The following PCDHGB5 variants were observed in gnomAD, a reference collection of about 807,000 sequenced individuals.
PCDHGB5 encodes the protein protocadherin gamma-B5.
A neutral mutation model predicts 62.9 loss-of-function variants in PCDHGB5; 48 were observed. The observed-to-expected ratio is 0.76, with a 90% CI of 0.61 to 0.97. The LOEUF is 0.97. PCDHGB5 is among the 50% of genes least tolerant of loss of function. The probability of loss-of-function intolerance (pLI) is 0.00; values close to 1 mark genes in which losing one functional copy is unlikely to be tolerated. For missense variants in PCDHGB5, 1,118 were observed against 1,198.6 expected, an observed-to-expected ratio of 0.93 and a Z score of 0.99; for synonymous variants, 474 against 511.2, an observed-to-expected ratio of 0.93 and a Z score of 0.98.
rs1184232947 is a variant in PCDHGB5 at position 141,487,060 on chromosome 5, G to T, written c.2398-7747G>T. ...TCTCTCGATATGCTGGGGAGGTGCG[G>T]ACGGCTGTTCCTATCCCAGCTGACC... On this transcript the variant is annotated intron_variant, in intron 1 of 3. Transcript: ENST00000617380. This position sits in a 1 kb window ranked among gnomAD's most constrained non-coding sequence, Gnocchi z 5.0. The T allele has an allele frequency of 1.9e-6, 3 of 1,614,182 alleles. No individual in the cohort carries two copies. In the East Asian group the frequency reaches 6.7e-5, roughly 36 times the overall value.
At chr5:141,429,571 A>G (rs1221285032) in intron 1 of PCDHGB5, among the ~76,000 whole-genome samples, 2 of 152,156 alleles carry the variant, frequency 1.3e-5, no homozygotes, top group Non-Finnish European at 2.9e-5. Flanking sequence ...ATTCAGTTAC[A>G]TTTACTTTTG....
At chr5:141,404,784 C>T (rs780341962) in intron 1 of PCDHGB5, 2 of 1,613,832 alleles carry the variant, frequency 1.2e-6, no homozygotes, top group Non-Finnish European at 1.7e-6. Flanking sequence ...CTATTCAAGG[C>T]CAGTGAGCCA....
At position 141,399,362 on chromosome 5, in the gene PCDHGB5, C is replaced by T. The variant is rs182743080; in HGVS notation, c.1235C>T (p.Pro412Leu). Reference sequence around the variant, plus strand: ...GGAACCCTAGACCGAGAGCAAACCCCGGAGTACAATGTCACCATCACAGCC... The same window carrying T: ...GGAACCCTAGACCGAGAGCAAACCCTGGAGTACAATGTCACCATCACAGCC... ...TDGTLDREQT[P>L]EYNVTITATD... Residue 412 changes from proline (P) to leucine (L), a missense_variant, in exon 1 of 4, where the codon CCG (proline) becomes CTG (leucine). By Grantham distance (98) the Pro-to-Leu change is moderately conservative (BLOSUM62 -3). This residue lies in a region of PCDHGB5 where 1,034 missense variants were observed against 1,029.1 expected (regional missense o/e 1.00). Transcript: ENST00000617380. 5 of 1,613,990 alleles carry T rather than the reference C, an allele frequency of 3.1e-6. No homozygotes were observed. Among genetic ancestry groups the T allele is most frequent in the East Asian group, 2.2e-5 (1 of 44,880 alleles).
chr5:141,449,098 G>A (rs1314761371), intron 1 of PCDHGB5, among the ~76,000 whole-genome samples: 1 of 152,140 alleles, frequency 6.6e-6, no homozygotes, highest in Admixed American at 6.5e-5. Context: ...TTTTACATAT[G>A]CAGTATATCT....
intron 1 of PCDHGB5, chr5:141,413,874 T>C: frequency 6.2e-7 from 1 of 1,613,424 alleles, no homozygotes; most frequent in Non-Finnish European, 8.5e-7. Context: ...TCCTTGTCAG[T>C]GTGACTGTCT....
intron 1 of PCDHGB5, among the ~76,000 whole-genome samples, chr5:141,472,889 G>A (rs1163806093): frequency 6.6e-6 from 1 of 151,392 alleles, no homozygotes; most frequent in Non-Finnish European, 1.5e-5. Context: ...GGGAGGCTGA[G>A]GCAGGAGAAT....
chr5:141,422,519 C>G, intron 1 of PCDHGB5: 1 of 1,613,968 alleles, frequency 6.2e-7, no homozygotes, highest in Non-Finnish European at 8.5e-7. Flanking sequence ...CAGGGAAGCC[C>G]GCCTTTGTCT....
At chr5:141,415,736 TAAGG>T (rs2095905512) in intron 1 of PCDHGB5, 1 of 1,289,864 alleles carries the variant, frequency 7.8e-7, no homozygotes, top group Admixed American at 3.4e-5. Flanking sequence ...TGATGTTTAT[TAAGG>T]TTTTTTTTTT....
At position 141,476,719 on chromosome 5, in the gene PCDHGB5, C is replaced by T; in HGVS notation, c.2398-18088C>T. ...ACGCGGAGCTGGTGTTGGAGCGCGC[C>T]CTGGACCGAGAACGGGAGCCTAGTC... On this transcript the variant is annotated intron_variant, in intron 1 of 3. Coordinates refer to ENST00000617380, the MANE Select transcript of PCDHGB5 (RefSeq NM_018925.3). The surrounding 1 kb of genome is among the most constrained non-coding windows in gnomAD (Gnocchi z 7.6). The T allele has an allele frequency of 6.2e-7, 1 of 1,614,154 alleles. No homozygotes were observed.
At position 141,405,049 on chromosome 5, in the gene PCDHGB5, C is replaced by T. The variant is rs190786640; in HGVS notation, c.2397+4525C>T. 223 of 1,613,936 alleles carry T rather than the reference C, an allele frequency of 1.4e-4. 1 individual carries two copies. The African/African-American group carries it at 1.9e-3, about 14-fold the overall frequency. On this transcript the variant is annotated intron_variant, in intron 1 of 3. Coordinates refer to ENST00000617380, the MANE Select transcript of PCDHGB5 (RefSeq NM_018925.3). ...TCTACCTCGTTGTGGCTGTGGCAGTCGTCTCCTGTGTCTTCCTCACCTTCG... is the reference window on the plus strand; with the variant it reads ...TCTACCTCGTTGTGGCTGTGGCAGTTGTCTCCTGTGTCTTCCTCACCTTCG...
At chr5:141,460,536 G>T (rs911670681) in intron 1 of PCDHGB5, among the ~76,000 whole-genome samples, 1 of 152,092 alleles carries the variant, frequency 6.6e-6, no homozygotes, top group African/African-American at 2.4e-5. Context: ...AATAATCTTA[G>T]CACCTTAATC....
intron 1 of PCDHGB5, chr5:141,418,503 T>G (rs2096264259): frequency 6.2e-7 from 1 of 1,613,828 alleles, no homozygotes. Flanking sequence ...CTGACCGCCT[T>G]AGATGGTGGG....
At chr5:141,470,649 C>T (rs1486535307) in intron 1 of PCDHGB5, among the ~76,000 whole-genome samples, 1 of 152,160 alleles carries the variant, frequency 6.6e-6, no homozygotes, top group African/African-American at 2.4e-5. Flanking sequence ...TTGAAGGCCC[C>T]TACCCTTTGG....
Position 141,419,293 on chromosome 5 carries a change from C to A in PCDHGB5, c.2397+18769C>A, listed in dbSNP as rs748856660. 1.5e-5 allele frequency: 25 copies of A among 1,614,026 alleles called. No individual in the cohort carries two copies. The African/African-American group carries it at 3.2e-4, about 21-fold the overall frequency. Reference sequence around the variant, plus strand: ...CCATAGCGCAAGTCAGTGCCTCTGACCCAGACTTCGGGCTCAACGGCCGTG... The same window carrying A: ...CCATAGCGCAAGTCAGTGCCTCTGAACCAGACTTCGGGCTCAACGGCCGTG... On this transcript the variant is annotated intron_variant, in intron 1 of 3. Transcript: ENST00000617380.
chr5:141,426,437 C>T (rs914971616), intron 1 of PCDHGB5: 6 of 300,546 alleles, frequency 2.0e-5, no homozygotes, highest in South Asian at 6.4e-5. Flanking sequence ...GGGAACCTTG[C>T]GGAGGACATG....
chr5:141,432,428 G>C lies in PCDHGB5; in HGVS notation c.2397+31904G>C. 6.2e-7 allele frequency: 1 copy of C among 1,614,232 alleles called. No homozygotes were observed. On this transcript the variant is annotated intron_variant, in intron 1 of 3. Coordinates refer to ENST00000617380, the MANE Select transcript of PCDHGB5 (RefSeq NM_018925.3). The surrounding 1 kb of genome is among the most constrained non-coding windows in gnomAD (Gnocchi z 6.0). ...GAGCCTGTTCGTGCTGGACCAGAAC[G>C]ACAATGCGCCCGAGATCCTGTACCC...
intron 1 of PCDHGB5, chr5:141,418,643 C>A (rs188546091): frequency 2.9e-5 from 46 of 1,614,022 alleles, no homozygotes; most frequent in Admixed American, 6.7e-5. Context: ...CACCTCCATC[C>A]TGAGAGTGAA....
intron 2 of PCDHGB5, among the ~76,000 whole-genome samples, chr5:141,503,072 C>T (rs2099817948): frequency 6.6e-6 from 1 of 151,728 alleles, no homozygotes; most frequent in Non-Finnish European, 1.5e-5. Flanking sequence ...TCAGAATGGT[C>T]TCGATCTCCT....
At chr5:141,415,700 A>G (rs1213224503) in intron 1 of PCDHGB5, 1 of 1,515,570 alleles carries the variant, frequency 6.6e-7, no homozygotes, top group East Asian at 2.5e-5. Flanking sequence ...GAAAGTGTAA[A>G]TGCTAAAACA....
Sources: gnomAD v4.1 joint callset for allele counts (sites outside exome capture counted in the v4.1 genomes callset) on GRCh38, gnomAD v4.1.1 for gene constraint, gnomAD v4.1.1 regional missense constraint, Gnocchi (gnomAD v3.1) non-coding constraint, MANE v1.5 for transcripts, NCBI Gene and HGNC (gene_info 2026-07-23, HGNC 2026-07-21) for gene names.